The following PNOC variants were observed in gnomAD, a reference collection of about 807,000 sequenced individuals.
PNOC encodes nociceptin.
A neutral mutation model predicts 15.6 loss-of-function variants in PNOC; 10 were observed. The ratio of observed to expected loss-of-function variants is 0.64; its 90% CI spans 0.40 to 1.09. PNOC has a LOEUF of 1.09. Ranked by LOEUF, PNOC falls within the 50% of genes least tolerant of loss-of-function variation. The pLI, the probability that PNOC is intolerant of heterozygous loss-of-function variation, is 0.01. For missense variants in PNOC, 220 were observed against 223.9 expected, an observed-to-expected ratio of 0.98 and a Z score of 0.11; for synonymous variants, 98 against 88.5, an observed-to-expected ratio of 1.11 and a Z score of -0.60.
intron 1 of PNOC, among the ~76,000 whole-genome samples, chr8:28,327,477 C>T (rs1424491713): frequency 6.6e-6 from 1 of 152,146 alleles, no homozygotes; most frequent in African/African-American, 2.4e-5. Context: ...TAACATGGCC[C>T]TTTGCTCGGG....
intron 2 of PNOC, among the ~76,000 whole-genome samples, chr8:28,329,825 C>G (rs1483400825): frequency 1.3e-5 from 2 of 151,966 alleles, no homozygotes; most frequent in Admixed American, 6.6e-5. Context: ...ACAAATAAAG[C>G]AATACAGCAT....
upstream of PNOC, chr8:28,317,265 C>T (rs553662371): frequency 5.6e-4 from 85 of 152,494 alleles, no homozygotes; most frequent in Non-Finnish European, 8.9e-4. Flanking sequence ...GCTGAGAAAG[C>T]GGAACCGAGC....
chr8:28,337,516 T>C (rs916191458), intron 2 of PNOC, among the ~76,000 whole-genome samples: 1 of 151,830 alleles, frequency 6.6e-6, no homozygotes, highest in Non-Finnish European at 1.5e-5. Flanking sequence ...GCCAGGCTGG[T>C]CTCAAACTCC....
chr8:28,324,682 G>A (rs1385614173), intron 1 of PNOC, among the ~76,000 whole-genome samples: 1 of 152,218 alleles, frequency 6.6e-6, no homozygotes, highest in East Asian at 1.9e-4. Context: ...TGGCCAACAT[G>A]GTGAAACCCA....
intron 2 of PNOC, among the ~76,000 whole-genome samples, chr8:28,334,830 A>G (rs566172742): frequency 1.3e-5 from 2 of 152,150 alleles, no homozygotes; most frequent in Non-Finnish European, 2.9e-5. Context: ...AGAAGTTTGC[A>G]ACTTCATTGT....
chr8:28,339,638 T>A, intron 3 of PNOC, 147 bp downstream of exon 3: 1 of 548,396 alleles, frequency 1.8e-6, no homozygotes, highest in Non-Finnish European at 2.8e-6. Context: ...CAGCCCACCC[T>A]TTCTCTAGGC....
intron 2 of PNOC, among the ~76,000 whole-genome samples, chr8:28,335,833 T>C (rs571285638): frequency 1.1e-3 from 170 of 152,204 alleles, no homozygotes; most frequent in African/African-American, 4.0e-3. Flanking sequence ...CTAGCCGAAA[T>C]TCTGTTTTTA....
intron 2 of PNOC, among the ~76,000 whole-genome samples, chr8:28,330,719 A>G (rs1415786655): frequency 1.3e-5 from 2 of 151,590 alleles, no homozygotes; most frequent in African/African-American, 2.4e-5. Context: ...TTTATTTTTG[A>G]TATTGCAGAT....
At chr8:28,328,518 T>C (rs35948285) in intron 1 of PNOC, among the ~76,000 whole-genome samples, 49,362 of 151,406 alleles carry the variant, frequency 0.33, 9,878 homozygotes, top group Non-Finnish European at 0.46. Flanking sequence ...GAATTCGGGG[T>C]ATGGGGGGTT....
At chr8:28,326,598 A>G (rs1370678138) in intron 1 of PNOC, among the ~76,000 whole-genome samples, 3 of 141,490 alleles carry the variant, frequency 2.1e-5, no homozygotes, top group Admixed American at 7.9e-5. Context: ...CTGGTAGCAT[A>G]TGCCTGTAAT....
intron 3 of PNOC, among the ~76,000 whole-genome samples, chr8:28,342,430 C>T (rs1162723599): frequency 6.6e-6 from 1 of 151,558 alleles, no homozygotes; most frequent in Non-Finnish European, 1.5e-5. Flanking sequence ...TGTTGGGGTG[C>T]AGGCCCACCT....
intron 3 of PNOC, 51 bp from the exon 4 acceptor site, chr8:28,342,891 G>A: frequency 1.3e-6 from 1 of 743,668 alleles, no homozygotes; most frequent in Non-Finnish European, 1.6e-6. Context: ...ATAGAAAAGG[G>A]TCAGAAAAAC....
chr8:28,336,107 C>T (rs1376188748), intron 2 of PNOC, among the ~76,000 whole-genome samples: 1 of 152,182 alleles, frequency 6.6e-6, no homozygotes, highest in African/African-American at 2.4e-5. Flanking sequence ...CTCTTTCTCA[C>T]CTCTTTTCAT....
chr8:28,330,398 T>A (rs1263777353), intron 2 of PNOC, among the ~76,000 whole-genome samples: 13 of 100,690 alleles, frequency 1.3e-4, no homozygotes, highest in African/African-American at 3.4e-4. Context: ...TTTATTTTAT[T>A]TTTTTTTTTT....
intron 1 of PNOC, among the ~76,000 whole-genome samples, chr8:28,324,066 C>A (rs186292737): frequency 1.9e-4 from 29 of 152,254 alleles, no homozygotes; most frequent in African/African-American, 6.5e-4. Flanking sequence ...AGGTTGGAGT[C>A]CGAAAGGTAG....
rs991142119 is a variant in PNOC, at chr8:28,324,068, G to A, written c.-23-5067G>A. Among the ~76,000 whole-genome samples the A allele has an allele frequency of 9.2e-5, 14 of 152,312 alleles. No individual in the cohort carries two copies. In the Middle Eastern group the frequency reaches 0.01, roughly 111 times the overall value. ...GAGAAGGGTCGGGAGGTTGGAGTCC[G>A]AAAGGTAGACGTGCCTCTGACCCAC... On this transcript the variant is annotated intron_variant, in intron 1 of 3. Coordinates refer to ENST00000301908, the MANE Select transcript of PNOC (RefSeq NM_006228.5).
chr8:28,336,549 C>T (rs980186886), intron 2 of PNOC, among the ~76,000 whole-genome samples: 1 of 152,116 alleles, frequency 6.6e-6, no homozygotes, highest in African/African-American at 2.4e-5. Context: ...TCATAGGCCT[C>T]AAGGGGTGTG....
intron 2 of PNOC, among the ~76,000 whole-genome samples, chr8:28,335,015 G>GAAA (rs1165895414): frequency 6.6e-6 from 1 of 152,184 alleles, no homozygotes; most frequent in African/African-American, 2.4e-5. Flanking sequence ...GCCATGCTCA[G>GAAA]AAAAACCACG....
intron 3 of PNOC, among the ~76,000 whole-genome samples, chr8:28,340,865 G>C (rs1341884562): frequency 6.6e-6 from 1 of 152,150 alleles, no homozygotes; most frequent in Non-Finnish European, 1.5e-5. Context: ...GGGCACAAAG[G>C]CATTCCTGAA....
Sources: allele counts gnomAD v4.1 joint callset (sites outside exome capture counted in the v4.1 genomes callset), GRCh38; gene constraint gnomAD v4.1.1; transcripts MANE v1.5; gene names NCBI Gene and HGNC (gene_info 2026-07-23, HGNC 2026-07-21).